LRGUK: variants seen among roughly 807,000 people sequenced by gnomAD.
The protein encoded by LRGUK is leucine-rich repeat and guanylate kinase domain-containing protein.
LRGUK carries 65 observed loss-of-function variants against 76.0 expected under a neutral mutation model. The ratio of observed to expected loss-of-function variants is 0.85; its 90% CI spans 0.70 to 1.05. The LOEUF (loss-of-function observed/expected upper bound fraction) is 1.05, where lower values mean the gene tolerates loss of function less well. LRGUK is among the 50% of genes least tolerant of loss of function. The pLI is 0.00. For missense variants in LRGUK, 758 were observed against 732.8 expected, an observed-to-expected ratio of 1.03 and a Z score of -0.40; for synonymous variants, 268 against 265.6, an observed-to-expected ratio of 1.01 and a Z score of -0.09.
chr7:134,208,112 G>A lies in LRGUK; in HGVS notation c.1844-595G>A, dbSNP rs1327884154. On this transcript the variant is annotated intron_variant, in intron 15 of 15. Transcript: ENST00000645682. ...GCAGCCTGGATGGGGGTCCTCAGGAGCAGCTGTTCTGAGCCATGGTGCCTT... is the reference window on the plus strand; with the variant it reads ...GCAGCCTGGATGGGGGTCCTCAGGAACAGCTGTTCTGAGCCATGGTGCCTT... Among the ~76,000 whole-genome samples, 6 of 152,172 alleles carry A rather than the reference G, an allele frequency of 3.9e-5. No homozygotes were observed. The East Asian group carries it at 1.2e-3, about 29-fold the overall frequency.
intron 7 of LRGUK, among the ~76,000 whole-genome samples, chr7:134,164,507 T>G (rs2116938384): frequency 6.6e-6 from 1 of 152,360 alleles, no homozygotes; most frequent in African/African-American, 2.4e-5. Context: ...GCATATTAAG[T>G]TGGTAACTTT....
chr7:134,245,150 C>T (rs1200699486), intron 16 of LRGUK, among the ~76,000 whole-genome samples: 3 of 151,956 alleles, frequency 2.0e-5, no homozygotes, highest in Admixed American at 6.6e-5. Flanking sequence ...CAAACCTGCA[C>T]GTTGTGCACA....
At chr7:134,136,163 T>C (rs1407220578) in intron 1 of LRGUK, among the ~76,000 whole-genome samples, 1 of 152,238 alleles carries the variant, frequency 6.6e-6, no homozygotes, top group Non-Finnish European at 1.5e-5. Flanking sequence ...TCAGTGTTAA[T>C]GTGCTGGTCA....
At chr7:134,256,672 A>G (rs1413621382) in intron 18 of LRGUK, among the ~76,000 whole-genome samples, 1 of 151,714 alleles carries the variant, frequency 6.6e-6, no homozygotes, top group African/African-American at 2.4e-5. Context: ...TCCAGTTTCA[A>G]CCTCCACCCC....
At chr7:134,228,947 A>T (rs945855810) in intron 16 of LRGUK, among the ~76,000 whole-genome samples, 25 of 152,246 alleles carry the variant, frequency 1.6e-4, no homozygotes, top group African/African-American at 5.8e-4. Flanking sequence ...GCAATAAAGC[A>T]TAAACAAGAA....
intron 18 of LRGUK, among the ~76,000 whole-genome samples, chr7:134,256,459 CAAA>C (rs34522132): frequency 1.0e-4 from 6 of 57,486 alleles, no homozygotes; most frequent in African/African-American, 1.1e-4. Flanking sequence ...AACTCTGTCT[CAAA>C]AAAAAAAAAA....
At chr7:134,268,893 C>A (rs943093694), downstream of LRGUK, among the ~76,000 whole-genome samples, 4 of 151,572 alleles carry the variant, frequency 2.6e-5, no homozygotes, top group Non-Finnish European at 4.4e-5. Context: ...CTGCACCCGG[C>A]TAATTTTTTT....
intron 10 of LRGUK, among the ~76,000 whole-genome samples, chr7:134,183,432 C>T (rs1326396114): frequency 6.6e-6 from 1 of 152,098 alleles, no homozygotes; most frequent in Non-Finnish European, 1.5e-5. Flanking sequence ...TTTCATTGAT[C>T]AGTTTTGGGG....
chr7:134,174,830 G>A (rs934005684), intron 8 of LRGUK, among the ~76,000 whole-genome samples, 194 bp downstream of exon 8: 2 of 152,064 alleles, frequency 1.3e-5, no homozygotes, highest in African/African-American at 4.8e-5. Context: ...TAAGACATAA[G>A]ATCTTCTCTC....
chr7:134,143,082 A>T (rs761897782), exon 4 of LRGUK: 3 of 1,599,786 alleles, frequency 1.9e-6, no homozygotes, highest in African/African-American at 1.3e-5. Flanking sequence ...TGTGAGTTGT[A>T]TGCCTTATCT....
At chr7:134,210,143 C>A in exon 16 of LRGUK, 1 of 399,272 alleles carries the variant, frequency 2.5e-6, no homozygotes, top group Non-Finnish European at 4.4e-6. Flanking sequence ...GGAAGAGGCA[C>A]CACCTGGGAA....
chr7:134,128,570 A>AGAT (rs1179838112), intron 1 of LRGUK, among the ~76,000 whole-genome samples: 1 of 152,094 alleles, frequency 6.6e-6, no homozygotes, highest in African/African-American at 2.4e-5. Flanking sequence ...TATGTTTTTG[A>AGAT]GATGGAGTCT....
At chr7:134,260,716 T>G (rs985821106) in intron 19 of LRGUK, among the ~76,000 whole-genome samples, 3 of 152,282 alleles carry the variant, frequency 2.0e-5, no homozygotes, top group African/African-American at 7.2e-5. Context: ...ATCGTATCCC[T>G]CAATTAGTAG....
At chr7:134,251,667 C>T (rs974964802) in intron 18 of LRGUK, among the ~76,000 whole-genome samples, 6 of 152,114 alleles carry the variant, frequency 3.9e-5, no homozygotes, top group Admixed American at 6.5e-5. Flanking sequence ...AAGCTACTAT[C>T]GTATGCACTA....
At position 134,229,375 on chromosome 7, in the gene LRGUK, A is replaced by T. The variant is rs199811534; in HGVS notation, c.1983+7457A>T. 2.4e-4 allele frequency among the ~76,000 whole-genome samples: 36 copies of T among 147,564 alleles called. No individual in the cohort carries two copies. In the South Asian group the frequency reaches 5.4e-3, roughly 22 times the overall value. On this transcript the variant is annotated intron_variant, in intron 16 of 19. Transcript: ENST00000285928. ...GAGACTCCATCTCAAAAAAAAAAAA[A>T]ATCTATCTATCTATCTATCTATCTA...
chr7:134,249,148 C>G, intron 18 of LRGUK, 72 bp downstream of exon 18: 1 of 1,403,518 alleles, frequency 7.1e-7, no homozygotes, highest in Non-Finnish European at 9.4e-7. Flanking sequence ...GTACTCATCT[C>G]TAAGCTTCAG....
At chr7:134,162,011 G>A (rs950008047) in intron 6 of LRGUK, among the ~76,000 whole-genome samples, 1 of 152,076 alleles carries the variant, frequency 6.6e-6, no homozygotes, top group Non-Finnish European at 1.5e-5. Flanking sequence ...GTTGTTATGG[G>A]TATATGGAGA....
chr7:134,127,547 C>G lies in LRGUK; in HGVS notation c.180C>G (p.Tyr60Ter), dbSNP rs755208487. 6.2e-7 allele frequency: 1 copy of G among 1,614,218 alleles called. No homozygotes were observed. Among genetic ancestry groups the G allele is most frequent in the Non-Finnish European group, 8.5e-7 (1 of 1,180,040 alleles). The change falls in exon 1 of 16, where the codon TAC becomes TAG. Residue 60 changes from tyrosine (Y) to a stop codon, truncating the protein, a stop_gained. Transcript: ENST00000645682. LOFTEE classifies it high-confidence loss of function. Reference sequence around the variant, plus strand: ...GCAGCTCTAACATAGCCTCCTCCTACCTGCTCCAGCAGCTCATGCACCGCT... The same window carrying G: ...GCAGCTCTAACATAGCCTCCTCCTAGCTGCTCCAGCAGCTCATGCACCGCT...
intron 8 of LRGUK, among the ~76,000 whole-genome samples, chr7:134,175,663 A>C (rs920028825): frequency 2.0e-5 from 3 of 152,220 alleles, no homozygotes; most frequent in Non-Finnish European, 4.4e-5. Flanking sequence ...GGACTGGCGC[A>C]AAAGTAATTG....
Sources: allele counts gnomAD v4.1 joint callset (sites outside exome capture counted in the v4.1 genomes callset), GRCh38; gene constraint gnomAD v4.1.1; transcripts MANE v1.5; gene names NCBI Gene and HGNC (gene_info 2026-07-23, HGNC 2026-07-21).